GALNTL6: variants seen among roughly 807,000 people sequenced by gnomAD.
The protein encoded by GALNTL6 is polypeptide N-acetylgalactosaminyltransferase-like 6.
GALNTL6 carries 46 observed loss-of-function variants against 73.7 expected under a neutral mutation model. That is an observed-to-expected ratio of 0.62 (90% CI 0.49 to 0.80). The LOEUF (loss-of-function observed/expected upper bound fraction) is 0.80. Ranked by LOEUF, GALNTL6 falls within the 30% of genes least tolerant of loss-of-function variation. The pLI, the probability that GALNTL6 is intolerant of heterozygous loss-of-function variation, is 0.00. For synonymous variants in GALNTL6, 259 were observed against 263.7 expected, an observed-to-expected ratio of 0.98 and a Z score of 0.17; for missense variants, 604 against 755.0, an observed-to-expected ratio of 0.80 and a Z score of 2.34.
At chr4:171,817,185 A>G (rs1734547002) in intron 2 of GALNTL6, among the ~76,000 whole-genome samples, 1 of 152,066 alleles carries the variant, frequency 6.6e-6, no homozygotes, top group African/African-American at 2.4e-5. Flanking sequence ...TACTGAGGCT[A>G]GTCAAACAAG....
At chr4:171,984,252 A>G (rs927454356) in intron 2 of GALNTL6, among the ~76,000 whole-genome samples, 1 of 152,188 alleles carries the variant, frequency 6.6e-6, no homozygotes, top group Non-Finnish European at 1.5e-5. Context: ...ACAGAGTCCA[A>G]TAACAAAGGA....
intron 4 of GALNTL6, among the ~76,000 whole-genome samples, chr4:172,346,263 G>A (rs1487734345): frequency 6.6e-6 from 1 of 152,200 alleles, no homozygotes; most frequent in African/African-American, 2.4e-5. Context: ...TGAAAGCTAC[G>A]TTCCAACTGG....
chr4:172,500,370 A>G lies in GALNTL6; in HGVS notation c.553+151681A>G, dbSNP rs149247219. Among the ~76,000 whole-genome samples the G allele has an allele frequency of 1.4e-4, 21 of 152,312 alleles. No individual in the cohort carries two copies. In the East Asian group the frequency reaches 4.1e-3, roughly 29 times the overall value. On this transcript the variant is annotated intron_variant, in intron 5 of 12. Transcript: ENST00000506823. ...TGGAAGATCGAGGCTGTAGTGAGCCATAATAGCATCACTACACTCCAGCCT... is the reference window on the plus strand; with the variant it reads ...TGGAAGATCGAGGCTGTAGTGAGCCGTAATAGCATCACTACACTCCAGCCT...
intron 2 of GALNTL6, among the ~76,000 whole-genome samples, chr4:172,133,130 C>T (rs938603661): frequency 2.0e-5 from 3 of 152,202 alleles, no homozygotes; most frequent in African/African-American, 7.2e-5. Context: ...ATTCTCAAAT[C>T]TTCAGCAATT....
intron 2 of GALNTL6, among the ~76,000 whole-genome samples, chr4:171,835,604 T>C (rs1003061740): frequency 2.0e-4 from 31 of 152,014 alleles, no homozygotes; most frequent in African/African-American, 7.0e-4. Context: ...TTATTATTTA[T>C]GGATATAGCA....
At chr4:172,597,470 T>C (rs1737899377) in intron 5 of GALNTL6, among the ~76,000 whole-genome samples, 2 of 152,180 alleles carry the variant, frequency 1.3e-5, no homozygotes, top group African/African-American at 4.8e-5. Context: ...GCATCTTTTG[T>C]GTCATTAAAT....
chr4:171,971,594 A>G (rs1458272271), intron 2 of GALNTL6, among the ~76,000 whole-genome samples: 1 of 152,190 alleles, frequency 6.6e-6, no homozygotes, highest in Non-Finnish European at 1.5e-5. Flanking sequence ...TGAAGTGATA[A>G]TTTGGCATGC....
intron 2 of GALNTL6, among the ~76,000 whole-genome samples, chr4:171,892,573 G>T (rs1051237520): frequency 6.6e-6 from 1 of 152,116 alleles, no homozygotes; most frequent in Middle Eastern, 3.4e-3. Context: ...TACAAATAAC[G>T]TTTTTTAAGA....
intron 2 of GALNTL6, among the ~76,000 whole-genome samples, chr4:172,223,071 A>C (rs1178144910): frequency 6.6e-6 from 1 of 152,014 alleles, no homozygotes; most frequent in African/African-American, 2.4e-5. Flanking sequence ...CAAGAACTAC[A>C]CTGCTTAGTA....
chr4:172,492,914 C>G (rs1733946770), intron 5 of GALNTL6, among the ~76,000 whole-genome samples: 2 of 152,134 alleles, frequency 1.3e-5, no homozygotes, highest in Non-Finnish European at 2.9e-5. Flanking sequence ...TGTTTAACAA[C>G]TGTGTGTCTG....
chr4:171,983,820 T>A (rs1739987535), intron 2 of GALNTL6, among the ~76,000 whole-genome samples: 1 of 152,142 alleles, frequency 6.6e-6, no homozygotes, highest in Non-Finnish European at 1.5e-5. Context: ...TCCTAACAAC[T>A]GCTGCTGCTC....
chr4:172,831,080 C>T lies in GALNTL6; in HGVS notation c.923+17357C>T, dbSNP rs983868252. Among the ~76,000 whole-genome samples the T allele has an allele frequency of 4.4e-5, 6 of 135,200 alleles. 1 individual carries two copies. In the East Asian group the frequency reaches 6.7e-4, roughly 15 times the overall value. 88.7% of individuals were successfully genotyped at this position (135,200 alleles called of 152,430 possible). On this transcript the variant is annotated intron_variant, in intron 7 of 12. Transcript: ENST00000506823. ...AGGCTGAGGCAAGAGAAAGCTTGAA[C>T]CCAGGAGGCGGAGGTTGCAGTGAGC...
intron 2 of GALNTL6, among the ~76,000 whole-genome samples, chr4:172,034,523 T>C (rs1741877478): frequency 6.6e-6 from 1 of 151,938 alleles, no homozygotes; most frequent in Non-Finnish European, 1.5e-5. Context: ...ACTGTGGTTA[T>C]GTATGAATTT....
intron 2 of GALNTL6, among the ~76,000 whole-genome samples, chr4:172,149,484 AG>A (rs1560942515): frequency 6.6e-6 from 1 of 151,848 alleles, no homozygotes; most frequent in Non-Finnish European, 1.5e-5. Flanking sequence ...AGGCTCCTAG[AG>A]GTGTGTCATT....
At chr4:172,639,091 T>C (rs1739838699) in intron 5 of GALNTL6, among the ~76,000 whole-genome samples, 2 of 152,160 alleles carry the variant, frequency 1.3e-5, no homozygotes, top group African/African-American at 4.8e-5. Flanking sequence ...TACATGCAGA[T>C]TTCTCCACTG....
At chr4:172,421,041 A>G (rs780369380) in intron 5 of GALNTL6, among the ~76,000 whole-genome samples, 5 of 152,050 alleles carry the variant, frequency 3.3e-5, no homozygotes, top group African/African-American at 4.8e-5. Context: ...ATTAGGACAA[A>G]TACCTAATGC....
At chr4:172,991,075 C>T (rs775600136) in intron 10 of GALNTL6, among the ~76,000 whole-genome samples, 1 of 152,052 alleles carries the variant, frequency 6.6e-6, no homozygotes, top group Non-Finnish European at 1.5e-5. Context: ...AGATTTAAAA[C>T]ACTTGGTATC....
intron 3 of GALNTL6, 30 bp from the exon 4 acceptor site, chr4:172,311,584 T>C (rs570954825): frequency 3.2e-6 from 5 of 1,580,586 alleles, no homozygotes; most frequent in African/African-American, 1.4e-5. Flanking sequence ...TTTATAGAGA[T>C]GATAATCTCA....
In GALNTL6 at chr4:172,485,724, A is replaced by G. The variant is rs1733641616; in HGVS notation, c.553+137035A>G. On this transcript the variant is annotated intron_variant, in intron 5 of 12. Transcript: ENST00000506823. ...CCAAATAAAAAAGAGAACTGGCAAAATGAATATGTCCTGGGGCATTGTTTT... is the reference window on the plus strand; with the variant it reads ...CCAAATAAAAAAGAGAACTGGCAAAGTGAATATGTCCTGGGGCATTGTTTT... Among the ~76,000 whole-genome samples, 8 of 152,188 alleles carry G rather than the reference A, an allele frequency of 5.3e-5. No homozygotes were observed. In the South Asian group the frequency reaches 1.7e-3, roughly 31 times the overall value.
Sources: gnomAD v4.1 joint callset for allele counts (sites outside exome capture counted in the v4.1 genomes callset) on GRCh38, gnomAD v4.1.1 for gene constraint, MANE v1.5 for transcripts, NCBI Gene and HGNC (gene_info 2026-07-23, HGNC 2026-07-21) for gene names.